Variants in CLSTN2 observed in about 807,000 individuals in gnomAD.
The protein encoded by CLSTN2 is calsyntenin-2.
CLSTN2 carries 48 observed loss-of-function variants against 101.2 expected under a neutral mutation model. That is an observed-to-expected ratio of 0.47 (90% confidence interval 0.38 to 0.60). The LOEUF (loss-of-function observed/expected upper bound fraction) is 0.60. Among genes scored for constraint, CLSTN2 ranks in the 20% least tolerant of loss-of-function variants. The pLI is 0.00. For missense variants in CLSTN2, 1,160 were observed against 1,238.2 expected (o/e 0.94, Z 0.95); for synonymous variants, 481 against 463.6 (o/e 1.04, Z -0.48).
At chr3:140,276,716 C>T (rs537156077) in intron 2 of CLSTN2, among the ~76,000 whole-genome samples, 8 of 152,302 alleles carry the variant, frequency 5.3e-5, no homozygotes, top group African/African-American at 1.7e-4. Flanking sequence ...AAAAGTCCCA[C>T]ATCCTGGGAA....
chr3:139,942,351 A>G (rs1351589276), intron 1 of CLSTN2, among the ~76,000 whole-genome samples: 1 of 152,092 alleles, frequency 6.6e-6, no homozygotes, highest in African/African-American at 2.4e-5. Context: ...TCTGCACTGT[A>G]TAGTCCCAGA....
At chr3:140,190,565 T>G (rs566647790) in intron 2 of CLSTN2, among the ~76,000 whole-genome samples, 3 of 152,042 alleles carry the variant, frequency 2.0e-5, no homozygotes, top group African/African-American at 7.2e-5. Flanking sequence ...GCATGTTATA[T>G]CTCTACATGT....
intron 1 of CLSTN2, among the ~76,000 whole-genome samples, chr3:140,057,734 A>G (rs564239923): frequency 1.3e-5 from 2 of 152,326 alleles, no homozygotes; most frequent in Admixed American, 6.5e-5. Context: ...GCCACCTCCC[A>G]AAAATGTAGG....
At chr3:140,318,785 T>C (rs1439175885) in intron 2 of CLSTN2, among the ~76,000 whole-genome samples, 1 of 152,206 alleles carries the variant, frequency 6.6e-6, no homozygotes, top group African/African-American at 2.4e-5. Flanking sequence ...GTGCCTACTT[T>C]GTACCTAAGC....
chr3:140,359,558 A>C (rs1335080511), intron 2 of CLSTN2, among the ~76,000 whole-genome samples: 3 of 152,212 alleles, frequency 2.0e-5, no homozygotes, highest in Non-Finnish European at 2.9e-5. Context: ...ATAATAACTT[A>C]ATGGCATAAT....
chr3:140,034,343 T>C (rs568396539), intron 1 of CLSTN2, among the ~76,000 whole-genome samples: 1 of 152,328 alleles, frequency 6.6e-6, no homozygotes, highest in South Asian at 2.1e-4. Flanking sequence ...GGAATTCTCA[T>C]ATTTTAGTCA....
At chr3:140,236,625 T>C (rs1184938718) in intron 2 of CLSTN2, among the ~76,000 whole-genome samples, 3 of 152,138 alleles carry the variant, frequency 2.0e-5, no homozygotes, top group Non-Finnish European at 4.4e-5. Context: ...TCTCTTCCTA[T>C]CCCATAGCTC....
intron 2 of CLSTN2, among the ~76,000 whole-genome samples, chr3:140,325,775 C>T (rs567747879): frequency 4.6e-5 from 7 of 152,276 alleles, no homozygotes; most frequent in South Asian, 4.1e-4. Context: ...TTCTAAGTTG[C>T]TAGCCATTCG....
At position 140,141,717 on chromosome 3, in the gene CLSTN2, C is replaced by T. The variant is rs576433819; in HGVS notation, c.110-34234C>T. Among the ~76,000 whole-genome samples the T allele has an allele frequency of 3.9e-5, 6 of 152,330 alleles. 1 individual carries two copies. In the South Asian group the frequency reaches 8.3e-4, roughly 21 times the overall value. On this transcript the variant is annotated intron_variant, in intron 1 of 16. Coordinates refer to ENST00000458420, the MANE Select transcript of CLSTN2 (RefSeq NM_022131.3). ...CGGGAACCCAGCCTCTAGCCCTCCT[C>T]AGACCTGGCACATGCACGCCACATA...
chr3:140,165,196 T>C (rs1295940375), intron 1 of CLSTN2, among the ~76,000 whole-genome samples: 1 of 152,224 alleles, frequency 6.6e-6, no homozygotes, highest in Non-Finnish European at 1.5e-5. Context: ...GCAAGTAATA[T>C]AGGTTGTCTC....
chr3:140,320,021 GA>G (rs1227736776), intron 2 of CLSTN2, among the ~76,000 whole-genome samples: 1 of 152,222 alleles, frequency 6.6e-6, no homozygotes, highest in African/African-American at 2.4e-5. Context: ...GTCATGCCAT[GA>G]GAGGCATTTG....
chr3:139,989,180 A>C (rs1936077868), intron 1 of CLSTN2, among the ~76,000 whole-genome samples: 1 of 152,162 alleles, frequency 6.6e-6, no homozygotes, highest in Non-Finnish European at 1.5e-5. Context: ...TGATGTTGCA[A>C]ACCCTATCAG....
chr3:140,470,754 C>G (rs1933824955), intron 8 of CLSTN2, among the ~76,000 whole-genome samples: 1 of 152,130 alleles, frequency 6.6e-6, no homozygotes, highest in Non-Finnish European at 1.5e-5. Flanking sequence ...TCAGATTTAT[C>G]AAGTTTAAGC....
chr3:140,214,506 G>A (rs1454747129), intron 2 of CLSTN2, among the ~76,000 whole-genome samples: 3 of 152,112 alleles, frequency 2.0e-5, no homozygotes, highest in African/African-American at 7.2e-5. Context: ...CCTAGCATGA[G>A]TAGGTGATCA....
intron 8 of CLSTN2, among the ~76,000 whole-genome samples, chr3:140,492,897 C>G (rs900582729): frequency 1.1e-4 from 16 of 152,162 alleles, no homozygotes; most frequent in African/African-American, 3.9e-4. Context: ...CCGCAGGAGA[C>G]AGGGGACTCC....
intron 8 of CLSTN2, among the ~76,000 whole-genome samples, chr3:140,504,622 T>G (rs896393616): frequency 1.3e-5 from 2 of 152,132 alleles, no homozygotes; most frequent in African/African-American, 4.8e-5. Context: ...GCCACACTGA[T>G]CTCAGTAAAC....
chr3:139,993,197 C>G (rs1249650473), intron 1 of CLSTN2, among the ~76,000 whole-genome samples: 1 of 152,092 alleles, frequency 6.6e-6, no homozygotes, highest in African/African-American at 2.4e-5. Flanking sequence ...TTTCCTCCTT[C>G]CCTCCTATTC....
intron 2 of CLSTN2, among the ~76,000 whole-genome samples, chr3:140,374,870 G>C (rs1027188027): frequency 3.9e-5 from 6 of 152,180 alleles, no homozygotes; most frequent in African/African-American, 1.4e-4. Flanking sequence ...CCGTGGTAAG[G>C]TTTGAGAGAA....
intron 2 of CLSTN2, among the ~76,000 whole-genome samples, chr3:140,334,034 G>T (rs1035824295): frequency 6.6e-6 from 1 of 152,146 alleles, no homozygotes; most frequent in Non-Finnish European, 1.5e-5. Context: ...GAAGGCGGGG[G>T]GTAGAAGCCT....
Sources: gnomAD v4.1 joint callset for allele counts (sites outside exome capture counted in the v4.1 genomes callset) on GRCh38, gnomAD v4.1.1 for gene constraint, MANE v1.5 for transcripts, NCBI Gene and HGNC (gene_info 2026-07-23, HGNC 2026-07-21) for gene names.